The following FDX1 variants were observed in gnomAD, a reference collection of about 807,000 sequenced individuals.
The protein encoded by FDX1 is ferredoxin 1.
FDX1 carries 9 observed loss-of-function variants against 14.9 expected under a neutral mutation model. The ratio of observed to expected loss-of-function variants is 0.60; its 90% CI spans 0.36 to 1.05. The LOEUF (loss-of-function observed/expected upper bound fraction) is 1.05, where lower values mean the gene tolerates loss of function less well. Among genes scored for constraint, FDX1 ranks in the 50% least tolerant of loss-of-function variants. The pLI is 0.01. For missense variants in FDX1, 204 were observed against 237.2 expected (o/e 0.86, Z 0.92); for synonymous variants, 92 against 99.4 (o/e 0.93, Z 0.44).
chr11:110,457,141 T>C, intron 3 of FDX1, 94 bp downstream of exon 3: 8 of 1,097,294 alleles, frequency 7.3e-6, no homozygotes, highest in Non-Finnish European at 1.0e-5. Context: ...ATAAATGTAA[T>C]AGTGTTCTAC....
intron 3 of FDX1, among the ~76,000 whole-genome samples, chr11:110,461,077 C>A (rs1442762535): frequency 1.3e-5 from 2 of 152,074 alleles, no homozygotes; most frequent in Non-Finnish European, 2.9e-5. Context: ...TTATATGCCA[C>A]TAAGGAAGAT....
rs1216373466 is a variant in FDX1 at position 110,429,985 on chromosome 11, T to C, written c.-136T>C. 3.5e-5 allele frequency: 18 copies of C among 512,608 alleles called. No individual in the cohort carries two copies. Among genetic ancestry groups the C allele is most frequent in the Non-Finnish European group, 4.9e-5 (17 of 344,158 alleles). 31.8% of individuals were successfully genotyped at this position (512,608 alleles called of 1,614,324 possible). ...GGCGCGGTGCTTCCAGCAGGGTCTC[T>C]CCGCCACTCCAGCCCCGCGCCCCTC... is the stretch of plus-strand genomic sequence containing the variant. On this transcript the variant is annotated 5_prime_UTR_variant, in exon 1 of 4. Transcript: ENST00000260270.
rs140578350 is a variant in FDX1 at position 110,460,075 on chromosome 11, C to T, written c.441-2279C>T. ...GAATACCAAGAGTAACCAACAGACTCTCTAGAGCTCACTGCTGTCTTAACG... is the reference window on the plus strand; with the variant it reads ...GAATACCAAGAGTAACCAACAGACTTTCTAGAGCTCACTGCTGTCTTAACG... On this transcript the variant is annotated intron_variant, in intron 3 of 3. Coordinates refer to ENST00000260270, the MANE Select transcript of FDX1 (RefSeq NM_004109.5). 3.5e-3 allele frequency among the ~76,000 whole-genome samples: 528 copies of T among 152,340 alleles called. 2 individuals are homozygous for T. The highest frequency in any genetic ancestry group is 0.012 in the African/African-American group (493 of 41,592).
chr11:110,452,531 T>C (rs1340473486), intron 2 of FDX1, among the ~76,000 whole-genome samples: 2 of 152,096 alleles, frequency 1.3e-5, no homozygotes, highest in Middle Eastern at 6.8e-3. Context: ...AATGAGTTTG[T>C]GTTGTTTAGA....
chr11:110,438,248 G>C (rs6589136), intron 2 of FDX1, among the ~76,000 whole-genome samples: 74,553 of 151,912 alleles, frequency 0.49, 18,939 homozygotes, highest in East Asian at 0.63. Flanking sequence ...TTCCCACCAG[G>C]ACTGTCTTAA....
At chr11:110,443,433 A>G (rs1224874685) in intron 2 of FDX1, among the ~76,000 whole-genome samples, 2 of 148,254 alleles carry the variant, frequency 1.3e-5, no homozygotes, top group Non-Finnish European at 3.0e-5. Context: ...GGACTTAATA[A>G]TATCCTTTTT....
chr11:110,437,101 T>C (rs2134568903), intron 2 of FDX1, among the ~76,000 whole-genome samples: 1 of 152,292 alleles, frequency 6.6e-6, no homozygotes, highest in South Asian at 2.1e-4. Flanking sequence ...ACTCAAGTGA[T>C]CCTCCTGACT....
chr11:110,438,334 CA>C (rs1399552866), intron 2 of FDX1, among the ~76,000 whole-genome samples: 2 of 152,126 alleles, frequency 1.3e-5, no homozygotes, highest in African/African-American at 4.8e-5. Flanking sequence ...ATGACTGGTG[CA>C]AGATGGTATC....
chr11:110,437,803 C>T (rs577926695), intron 2 of FDX1, among the ~76,000 whole-genome samples: 14 of 152,314 alleles, frequency 9.2e-5, no homozygotes, highest in African/African-American at 3.4e-4. Flanking sequence ...TCCCTTCCCC[C>T]TCTGGTAGTG....
chr11:110,456,887 G>A lies in FDX1; in HGVS notation c.311-31G>A, dbSNP rs755935330. The A allele has an allele frequency of 2.5e-6, 4 of 1,597,180 alleles. No individual in the cohort carries two copies. In the South Asian group the frequency reaches 4.5e-5, roughly 18 times the overall value. On this transcript the variant is annotated intron_variant, in intron 2 of 3. Transcript: ENST00000260270. ...GGTATGAATCGTCTGATGTAGAAGG[G>A]ACTATGTTCAGTGTTTGTTGCTTTT...
rs1565381872 is a variant in FDX1 at position 110,444,687 on chromosome 11, C to CAT, written c.310+8729_310+8730insAT. The stretch of plus-strand genomic sequence containing the variant: ...ATACGTATATATATATATATATACA[C>CAT]GTATATATATATATATACGTATATA... On this transcript the variant is annotated intron_variant, in intron 2 of 3. Transcript: ENST00000260270. Among the ~76,000 whole-genome samples the CAT allele has an allele frequency of 1.7e-4, 5 of 29,530 alleles. 1 individual carries two copies. Among genetic ancestry groups the CAT allele is most frequent in the African/African-American group, 6.4e-4 (3 of 4,720 alleles). The allele number at this position is 29,530 out of a possible 152,430, so 19.4% of individuals were successfully genotyped here. A position where few individuals can be genotyped will look rare whatever the true frequency, so the allele number is the denominator to read the frequency against.
intron 3 of FDX1, among the ~76,000 whole-genome samples, chr11:110,460,907 G>A (rs10488764): frequency 0.18 from 27,294 of 152,120 alleles, 2,550 homozygotes; most frequent in East Asian, 0.27. Flanking sequence ...GAAGTGTTCA[G>A]TAAGAAAGTG....
intron 3 of FDX1, among the ~76,000 whole-genome samples, chr11:110,460,867 C>CT (rs1172295568): frequency 1.3e-5 from 2 of 152,186 alleles, no homozygotes; most frequent in Non-Finnish European, 1.5e-5. Flanking sequence ...GATGCTGTCT[C>CT]TTTAGTGCAT....
Position 110,444,632 on chromosome 11 carries a change from A to G in FDX1, c.310+8674A>G, listed in dbSNP as rs1206215270. Among the ~76,000 whole-genome samples, 10 of 84,832 alleles carry G rather than the reference A, an allele frequency of 1.2e-4. No homozygotes were observed. In the East Asian group the frequency reaches 2.9e-3, roughly 25 times the overall value. The allele number at this position is 84,832 out of a possible 152,430, so 55.7% of individuals were successfully genotyped here. ...CTGTCTCAAAAAAAAAAGAAAATATATGTGTGTGTGTGTGTGTGTATATAT... is the reference window on the plus strand; with the variant it reads ...CTGTCTCAAAAAAAAAAGAAAATATGTGTGTGTGTGTGTGTGTGTATATAT... On this transcript the variant is annotated intron_variant, in intron 2 of 3. Transcript: ENST00000260270.
At chr11:110,437,282 C>G (rs1355259059) in intron 2 of FDX1, among the ~76,000 whole-genome samples, 1 of 152,188 alleles carries the variant, frequency 6.6e-6, no homozygotes, top group Non-Finnish European at 1.5e-5. Flanking sequence ...GCGTGAGCCA[C>G]CATGCCCAGC....
intron 2 of FDX1, among the ~76,000 whole-genome samples, chr11:110,438,629 T>G (rs901399109): frequency 2.0e-5 from 3 of 152,028 alleles, no homozygotes; most frequent in African/African-American, 7.2e-5. Flanking sequence ...TTTTATAATT[T>G]TATGATTATT....
intron 2 of FDX1, among the ~76,000 whole-genome samples, chr11:110,452,884 C>T (rs1401781152): frequency 6.6e-6 from 1 of 152,126 alleles, no homozygotes; most frequent in Non-Finnish European, 1.5e-5. Context: ...AAGACTAAAC[C>T]ACAGTGATAG....
At chr11:110,434,334 A>ATTTTTTTTT (rs1555068018) in intron 1 of FDX1, among the ~76,000 whole-genome samples, 1 of 126,408 alleles carries the variant, frequency 7.9e-6, no homozygotes, top group South Asian at 2.5e-4. Context: ...CGCCCTATTG[A>ATTTTTTTTT]TTTTTTTTTT....
Position 110,444,703 on chromosome 11 carries a change from T to C in FDX1, c.310+8745T>C, listed in dbSNP as rs1486739723. 5.9e-4 allele frequency among the ~76,000 whole-genome samples: 33 copies of C among 56,062 alleles called. 1 individual carries two copies. The highest frequency in any genetic ancestry group is 1.2e-3 in the East Asian group (2 of 1,708). The allele number at this position is 56,062 out of a possible 152,430, so 36.8% of individuals were successfully genotyped here. ...ATATATACACGTATATATATATATA[T>C]ACGTATATATATATATATACGTATA... On this transcript the variant is annotated intron_variant, in intron 2 of 3. Coordinates refer to ENST00000260270, the MANE Select transcript of FDX1 (RefSeq NM_004109.5).
Sources: gnomAD v4.1 joint callset for allele counts (sites outside exome capture counted in the v4.1 genomes callset) on GRCh38, gnomAD v4.1.1 for gene constraint, MANE v1.5 for transcripts, NCBI Gene and HGNC (gene_info 2026-07-23, HGNC 2026-07-21) for gene names.